The following PAM variants were observed in gnomAD, a reference collection of about 807,000 sequenced individuals.
The protein encoded by PAM is peptidyl-glycine alpha-amidating monooxygenase.
A neutral mutation model predicts 122.1 loss-of-function variants in PAM; 72 were observed. That is an observed-to-expected ratio of 0.59 (90% confidence interval 0.49 to 0.72). PAM has a LOEUF of 0.72. Ranked by LOEUF, PAM falls within the 30% of genes least tolerant of loss-of-function variation. The pLI, the probability that PAM is intolerant of heterozygous loss-of-function variation, is 0.00. For missense variants in PAM, 1,106 were observed against 1,183.7 expected, an observed-to-expected ratio of 0.93 and a Z score of 0.96; for synonymous variants, 389 against 404.4, an observed-to-expected ratio of 0.96 and a Z score of 0.46.
At chr5:102,927,507 C>G (rs1217301110) in intron 7 of PAM, among the ~76,000 whole-genome samples, 1 of 152,102 alleles carries the variant, frequency 6.6e-6, no homozygotes, top group Non-Finnish European at 1.5e-5. Flanking sequence ...TGATATGTTT[C>G]CCTTTCCAAA....
At chr5:102,951,003 A>AT (rs539997634) in intron 12 of PAM, among the ~76,000 whole-genome samples, 183 bp downstream of exon 12, 252 of 152,140 alleles carry the variant, frequency 1.7e-3, no homozygotes, top group African/African-American at 5.9e-3. Flanking sequence ...ACATGTGCTC[A>AT]TTTTTTTGTG....
chr5:102,948,805 T>C (rs1414906570), intron 9 of PAM, among the ~76,000 whole-genome samples: 3 of 152,076 alleles, frequency 2.0e-5, no homozygotes, highest in African/African-American at 7.2e-5. Flanking sequence ...GATTTAAAAA[T>C]TAAACGACTA....
intron 1 of PAM, among the ~76,000 whole-genome samples, chr5:102,796,247 GT>G (rs1763348298): frequency 6.6e-6 from 1 of 152,166 alleles, no homozygotes; most frequent in South Asian, 2.1e-4. Flanking sequence ...CATGAAGTCA[GT>G]CTCCAAAGGT....
At chr5:102,877,853 T>G (rs912798687) in intron 3 of PAM, among the ~76,000 whole-genome samples, 1 of 151,844 alleles carries the variant, frequency 6.6e-6, no homozygotes, top group African/African-American at 2.4e-5. Context: ...CATGGAGAGA[T>G]CCCCATCTCT....
chr5:102,805,438 A>C (rs1293722801), intron 1 of PAM, among the ~76,000 whole-genome samples: 1 of 152,074 alleles, frequency 6.6e-6, no homozygotes, highest in Non-Finnish European at 1.5e-5. Context: ...ATGTCTTTGA[A>C]GTCTTAGGAT....
chr5:103,019,787 C>T lies in PAM; in HGVS notation c.2432-3C>T. The T allele has an allele frequency of 6.3e-7, 1 of 1,597,520 alleles. No individual in the cohort carries two copies. The highest frequency in any genetic ancestry group is 8.6e-7 in the Non-Finnish European group (1 of 1,165,194). On this transcript the variant is annotated splice_polypyrimidine_tract_variant and splice_region_variant and intron_variant, in intron 22 of 25. Coordinates refer to ENST00000438793, the MANE Select transcript of PAM (RefSeq NM_001177306.2). ...TTTCTCTCTCCTTGTTGTGTTGTTA[C>T]AGAATTGGAACATCGATCAGTTAAA...
At chr5:102,790,895 G>C (rs1256088484) in intron 1 of PAM, among the ~76,000 whole-genome samples, 1 of 152,076 alleles carries the variant, frequency 6.6e-6, no homozygotes, top group Non-Finnish European at 1.5e-5. Context: ...ACTACCCAGA[G>C]ATAAGCACTG....
At chr5:102,842,149 C>T (rs764822886) in intron 1 of PAM, among the ~76,000 whole-genome samples, 46 of 150,950 alleles carry the variant, frequency 3.0e-4, no homozygotes, top group African/African-American at 9.3e-4. Flanking sequence ...AAAAGGAAAA[C>T]GCATAGAACA....
At chr5:102,977,656 G>GCACACA (rs1491382158) in intron 15 of PAM, among the ~76,000 whole-genome samples, 18 of 112,980 alleles carry the variant, frequency 1.6e-4, no homozygotes, top group African/African-American at 5.4e-4. Context: ...ACATGCATGT[G>GCACACA]CGCACACACA....
chr5:102,999,653 G>A (rs193107175), intron 16 of PAM, among the ~76,000 whole-genome samples: 2 of 152,370 alleles, frequency 1.3e-5, no homozygotes, highest in Non-Finnish European at 2.9e-5. Context: ...TCTAGGCAGA[G>A]GTTCCCAAAC....
chr5:102,927,977 G>C (rs1395644325), intron 7 of PAM, among the ~76,000 whole-genome samples: 1 of 152,054 alleles, frequency 6.6e-6, no homozygotes, highest in Non-Finnish European at 1.5e-5. Flanking sequence ...TTGTGTTTGG[G>C]GAACAAAGAC....
At chr5:103,019,366 C>T (rs1782931490) in intron 22 of PAM, among the ~76,000 whole-genome samples, 1 of 152,140 alleles carries the variant, frequency 6.6e-6, no homozygotes, top group African/African-American at 2.4e-5. Flanking sequence ...GTAAGACTGC[C>T]ACTGAACACT....
At chr5:102,942,809 G>A (rs915242619) in intron 7 of PAM, among the ~76,000 whole-genome samples, 1 of 151,248 alleles carries the variant, frequency 6.6e-6, no homozygotes, top group Non-Finnish European at 1.5e-5. Flanking sequence ...GGGGTCAAGT[G>A]ATTCACCTGC....
chr5:102,788,776 CATTTGGCTGGAATTCTTCCT>C (rs1761264401), intron 1 of PAM, among the ~76,000 whole-genome samples: 2 of 152,054 alleles, frequency 1.3e-5, no homozygotes, highest in South Asian at 4.1e-4. Flanking sequence ...GTTCTTATTC[CATTTGGCTGGAATTCTTCCT>C]ATTAAGTAAC....
intron 5 of PAM, 71 bp downstream of exon 5, chr5:102,914,092 C>T: frequency 1.3e-6 from 1 of 797,658 alleles, no homozygotes; most frequent in Non-Finnish European, 2.2e-6. Flanking sequence ...TGTATCTGTG[C>T]AAGTATTTTA....
intron 12 of PAM, among the ~76,000 whole-genome samples, chr5:102,952,206 T>C (rs1759176686): frequency 6.6e-6 from 1 of 152,118 alleles, no homozygotes; most frequent in South Asian, 2.1e-4. Context: ...GAGGGCTCTT[T>C]ACAGTTTGCA....
intron 16 of PAM, among the ~76,000 whole-genome samples, chr5:102,996,033 T>G (rs1416111743): frequency 1.3e-5 from 2 of 152,210 alleles, no homozygotes; most frequent in African/African-American, 4.8e-5. Context: ...TAATTTGAAT[T>G]CCCTTAATTT....
intron 1 of PAM, among the ~76,000 whole-genome samples, chr5:102,776,256 T>C (rs1375471089): frequency 3.3e-5 from 5 of 152,152 alleles, no homozygotes; most frequent in Non-Finnish European, 7.4e-5. Context: ...AGTGGATAGA[T>C]TGGAAAGCTT....
chr5:102,842,916 A>C (rs1050759090), intron 1 of PAM, among the ~76,000 whole-genome samples: 1 of 152,188 alleles, frequency 6.6e-6, no homozygotes, highest in African/African-American at 2.4e-5. Context: ...ATTCGCCATA[A>C]TCTAGAGACA....
Sources: allele counts gnomAD v4.1 joint callset (sites outside exome capture counted in the v4.1 genomes callset), GRCh38; gene constraint gnomAD v4.1.1; transcripts MANE v1.5; gene names NCBI Gene and HGNC (gene_info 2026-07-23, HGNC 2026-07-21).